RRH: variants seen among roughly 807,000 people sequenced by gnomAD.
The protein encoded by RRH is retinal pigment epithelium-derived rhodopsin homolog.
A neutral mutation model predicts 33.1 loss-of-function variants in RRH; 36 were observed. The ratio of observed to expected loss-of-function variants is 1.09; its 90% CI spans 0.83 to 1.44. The LOEUF (loss-of-function observed/expected upper bound fraction) is 1.44. Among genes scored for constraint, RRH ranks in the 40% most tolerant of loss-of-function variants. RRH has a pLI of 0.00. For synonymous variants in RRH, 124 were observed against 140.2 expected, an observed-to-expected ratio of 0.88 and a Z score of 0.82; for missense variants, 393 against 420.2, an observed-to-expected ratio of 0.94 and a Z score of 0.57.
intron 2 of RRH, 151 bp from the exon 3 acceptor site, chr4:109,835,215 C>T (rs1733853687): frequency 1.6e-6 from 1 of 631,228 alleles, no homozygotes; most frequent in African/African-American, 1.9e-5. Flanking sequence ...TTTTATTAAA[C>T]CAGTTATAAT....
At chr4:109,831,647 G>A (rs2125892159) in intron 1 of RRH, among the ~76,000 whole-genome samples, 1 of 152,160 alleles carries the variant, frequency 6.6e-6, no homozygotes, top group South Asian at 2.1e-4. Flanking sequence ...GGTGCTCCAA[G>A]TGGGAGAAAT....
chr4:109,843,988 A>T (rs1030132337), intron 6 of RRH, 95 bp from the exon 7 acceptor site: 1 of 789,518 alleles, frequency 1.3e-6, no homozygotes, highest in African/African-American at 1.7e-5. Flanking sequence ...CAGAGATGTA[A>T]ATTGGCAGTA....
chr4:109,830,360 A>C (rs1733724263), intron 1 of RRH, among the ~76,000 whole-genome samples: 1 of 152,138 alleles, frequency 6.6e-6, no homozygotes, highest in South Asian at 2.1e-4. Context: ...TGTTTTAGAA[A>C]TGTGCTATAG....
Position 109,828,145 on chromosome 4 carries a change from T to G in RRH, c.106+12T>G, listed in dbSNP as rs1216029011. 6.4e-7 allele frequency: 1 copy of G among 1,551,982 alleles called. No homozygotes were observed. The highest frequency in any genetic ancestry group is 1.7e-5 in the Admixed American group (1 of 59,876). On this transcript the variant is annotated intron_variant, in intron 1 of 6. Coordinates refer to ENST00000317735, the MANE Select transcript of RRH (RefSeq NM_006583.5). ...CTTGATTATGGCAGGTATGGATATT[T>G]AAGTAAGTTATTTTTCTTTAGAATG... is the stretch of plus-strand genomic sequence containing the variant.
rs550524044 is a variant in RRH at position 109,833,045 on chromosome 4, TA to T, written c.107-93del. The T allele has an allele frequency of 2.4e-4, 235 of 995,428 alleles. 2 individuals carry two copies. The South Asian group carries it at 2.6e-3, about 11-fold the overall frequency. 61.7% of individuals were successfully genotyped at this position (995,428 alleles called of 1,614,324 possible). A position where few individuals can be genotyped will look rare whatever the true frequency, so the allele number is the denominator to read the frequency against. On this transcript the variant is annotated intron_variant, in intron 1 of 6. Coordinates refer to ENST00000317735, the MANE Select transcript of RRH (RefSeq NM_006583.5). ...AATAAATGAACTAAAATAGATCTGT[TA>T]TGTTTTTAAAGGGGCTTAAATATTT... is the stretch of plus-strand genomic sequence containing the variant.
At chr4:109,836,512 G>GCTTCACTCTGTCAGAGTGTGCTAGA (rs1330392615) in intron 4 of RRH, among the ~76,000 whole-genome samples, 1 of 152,190 alleles carries the variant, frequency 6.6e-6, no homozygotes, top group Admixed American at 6.5e-5. Context: ...GACAGAGTGT[G>GCTTCACTCTGTCAGAGTGTGCTAGA]CAGTTCTGGC....
Position 109,844,573 on chromosome 4 carries a change from G to A in RRH, c.*376G>A, listed in dbSNP as rs575203071. The A allele has an allele frequency of 6.4e-6, 1 of 156,550 alleles. No individual in the cohort carries two copies. Among genetic ancestry groups the A allele is most frequent in the South Asian group, 2.0e-4 (1 of 5,112 alleles). 9.7% of individuals were successfully genotyped at this position (156,550 alleles called of 1,614,324 possible). ...AAATGAATAATTCTAGATAATTACT[G>A]AAATGAGTTGTTGGATGTTCCCAGT... On this transcript the variant is annotated 3_prime_UTR_variant, in exon 7 of 7. Coordinates refer to ENST00000317735, the MANE Select transcript of RRH (RefSeq NM_006583.5).
chr4:109,831,565 G>A (rs527388979), intron 1 of RRH, among the ~76,000 whole-genome samples: 29 of 152,276 alleles, frequency 1.9e-4, no homozygotes, highest in Admixed American at 1.8e-3. Flanking sequence ...AGTGTGGGTA[G>A]GATAAGGCTT....
chr4:109,835,252 A>G, intron 2 of RRH, 114 bp from the exon 3 acceptor site: 1 of 717,614 alleles, frequency 1.4e-6, no homozygotes, highest in Admixed American at 2.0e-5. Flanking sequence ...ATTTTAAAGT[A>G]GTAAAGTAAA....
rs181657132 is a variant in RRH, at chr4:109,832,576, G to A, written c.107-563G>A. ...ACATGTTGAGTTTCAAGAAATACTG[G>A]AATAGTCATATGAGCTTACATATGG... is the stretch of plus-strand genomic sequence containing the variant. On this transcript the variant is annotated intron_variant, in intron 1 of 6. Coordinates refer to ENST00000317735, the MANE Select transcript of RRH (RefSeq NM_006583.5). 3.9e-3 allele frequency among the ~76,000 whole-genome samples: 581 copies of A among 148,878 alleles called. 1 individual carries two copies. In the Middle Eastern group the frequency reaches 0.045, roughly 12 times the overall value.
intron 5 of RRH, among the ~76,000 whole-genome samples, chr4:109,841,295 T>C (rs1461748629): frequency 6.6e-6 from 1 of 152,144 alleles, no homozygotes; most frequent in African/African-American, 2.4e-5. Context: ...CACAAGTCTA[T>C]CTCCAAGTTT....
chr4:109,830,223 A>C (rs1733720646), intron 1 of RRH, among the ~76,000 whole-genome samples: 1 of 152,132 alleles, frequency 6.6e-6, no homozygotes, highest in Non-Finnish European at 1.5e-5. Context: ...TTATGTTTGA[A>C]CTGTAAAATG....
chr4:109,831,562 G>A (rs770021400), intron 1 of RRH, among the ~76,000 whole-genome samples: 1 of 152,160 alleles, frequency 6.6e-6, no homozygotes, highest in Non-Finnish European at 1.5e-5. Context: ...GATAGTGTGG[G>A]TAGGATAAGG....
intron 5 of RRH, 83 bp downstream of exon 5, chr4:109,837,688 G>A: frequency 2.0e-6 from 2 of 1,012,546 alleles, no homozygotes; most frequent in Admixed American, 2.0e-5. Flanking sequence ...GACCACCGCA[G>A]TCTTCTCTCC....
rs1286496496 is a variant in RRH at position 109,842,609 on chromosome 4, A to G, written c.861A>G (p.Thr287=). 4 of 1,613,980 alleles carry G rather than the reference A, an allele frequency of 2.5e-6. No homozygotes were observed. Among genetic ancestry groups the G allele is most frequent in the East Asian group, 4.5e-5 (2 of 44,896 alleles). Residue 287 remains threonine, a synonymous_variant, in exon 6 of 7, where the codon ACA becomes ACG. Coordinates refer to ENST00000317735, the MANE Select transcript of RRH (RefSeq NM_006583.5). ...IIAPLFAKSS[T]FYNPCIYVVA... ...CTCCACTGTTTGCAAAATCTTCTAC[A>G]TTCTATAACCCCTGCATTTATGTGG...
At position 109,842,570 on chromosome 4, in the gene RRH, C is replaced by T. The variant is rs779326850; in HGVS notation, c.822C>T (p.Pro274=). 1 of 1,614,064 alleles carries T rather than the reference C, an allele frequency of 6.2e-7. No individual in the cohort carries two copies. Among genetic ancestry groups the T allele is most frequent in the Non-Finnish European group, 8.5e-7 (1 of 1,179,914 alleles). Residue 274 remains proline, a synonymous_variant, in exon 6 of 7, where the codon CCC becomes CCT. Coordinates refer to ENST00000317735, the MANE Select transcript of RRH (RefSeq NM_006583.5). ...GTGACCCAAAGAAGATTCCTCCCCC[C>T]ATGGCCATCATAGCTCCACTGTTTG... ...SFGDPKKIPP[P]MAIIAPLFAK...
At chr4:109,833,376 A>C in intron 2 of RRH, 47 bp downstream of exon 2, 1 of 1,449,400 alleles carries the variant, frequency 6.9e-7, no homozygotes. Context: ...GATCAAATAA[A>C]TGTAAATTTA....
Position 109,828,979 on chromosome 4 carries a change from T to G in RRH, c.106+846T>G, listed in dbSNP as rs543204375. On this transcript the variant is annotated intron_variant, in intron 1 of 6. Coordinates refer to ENST00000317735, the MANE Select transcript of RRH (RefSeq NM_006583.5). Reference sequence around the variant, plus strand: ...AAGGGATGGGGGAATGACAGAAACTTTTTATCTTTTTAATGTATCATTGAA... The same window carrying G: ...AAGGGATGGGGGAATGACAGAAACTGTTTATCTTTTTAATGTATCATTGAA... 2.0e-5 allele frequency among the ~76,000 whole-genome samples: 3 copies of G among 152,276 alleles called. No individual in the cohort carries two copies. In the South Asian group the frequency reaches 6.2e-4, roughly 32 times the overall value.
At chr4:109,833,387 A>G in intron 2 of RRH, 58 bp downstream of exon 2, 2 of 1,375,132 alleles carry the variant, frequency 1.5e-6, no homozygotes, top group South Asian at 2.4e-5. Context: ...TGTAAATTTA[A>G]ATGTCTAAAA....
Sources: allele counts gnomAD v4.1 joint callset (sites outside exome capture counted in the v4.1 genomes callset), GRCh38; gene constraint gnomAD v4.1.1; transcripts MANE v1.5; gene names NCBI Gene and HGNC (gene_info 2026-07-23, HGNC 2026-07-21).